Variants in ZHX3 observed in about 807,000 individuals in gnomAD.
The protein encoded by ZHX3 is zinc fingers and homeoboxes protein 3.
ZHX3 carries 20 observed loss-of-function variants against 64.5 expected under a neutral mutation model. The observed-to-expected ratio is 0.31, with a 90% CI of 0.22 to 0.45. The LOEUF is 0.45. ZHX3 is among the 20% of genes least tolerant of loss of function. The probability of loss-of-function intolerance (pLI) is 1.00; values close to 1 mark genes in which losing one functional copy is unlikely to be tolerated. For missense variants in ZHX3, 1,041 were observed against 1,195.8 expected (o/e 0.87, Z 1.91); for synonymous variants, 423 against 461.6 (o/e 0.92, Z 1.07).
At chr20:41,196,491 T>A (rs1339625624) in intron 3 of ZHX3, among the ~76,000 whole-genome samples, 1 of 78,254 alleles carries the variant, frequency 1.3e-5, no homozygotes, top group Admixed American at 2.4e-4. Context: ...ATTATAAATA[T>A]ATATTATATA....
chr20:41,207,211 A>C (rs1395785192), intron 2 of ZHX3, among the ~76,000 whole-genome samples: 2 of 152,230 alleles, frequency 1.3e-5, no homozygotes, highest in Non-Finnish European at 2.9e-5. Context: ...CAAATTGTAA[A>C]GACCATCAAT....
In ZHX3 at chr20:41,202,378, G is replaced by A. The variant is rs374874626; in HGVS notation, c.2539C>T (p.Arg847Trp). ...ATGTAATAGTCCTGCAGGAGCTCCC[G>A]GTTGCCAGGGGCAATGACCAGTAGC... is the stretch of plus-strand genomic sequence containing the variant. ...PGLLVIAPGN[R>W]ELLQDYYMTH... is the part of the protein sequence containing the mutation. Residue 847 changes from arginine (R) to tryptophan (W), a missense_variant, in exon 3 of 4, where the codon CGG becomes TGG. Transcript: ENST00000683867. This position sits in a 1 kb window ranked among gnomAD's most constrained non-coding sequence, Gnocchi z 7.0. 41 of 1,614,162 alleles carry A rather than the reference G, an allele frequency of 2.5e-5. No homozygotes were observed. Among genetic ancestry groups the A allele is most frequent in the African/African-American group, 1.3e-4 (10 of 75,046 alleles).
chr20:41,302,198 T>C (rs568952754), intron 1 of ZHX3, among the ~76,000 whole-genome samples: 4 of 151,864 alleles, frequency 2.6e-5, no homozygotes, highest in African/African-American at 9.6e-5. Context: ...TGGGTCTCAC[T>C]AGTAGGGGCT....
chr20:41,244,247 T>C (rs2041557851), intron 2 of ZHX3, among the ~76,000 whole-genome samples: 1 of 152,052 alleles, frequency 6.6e-6, no homozygotes. Context: ...AAACTGGGGA[T>C]TGGCTAAATG....
intron 3 of ZHX3, among the ~76,000 whole-genome samples, chr20:41,192,645 T>A (rs1263439735): frequency 1.3e-5 from 2 of 152,252 alleles, no homozygotes; most frequent in African/African-American, 4.8e-5. Flanking sequence ...CAGTCACTTA[T>A]GCCTCAGCTC....
intron 1 of ZHX3, among the ~76,000 whole-genome samples, chr20:41,311,152 A>G (rs2045123500): frequency 6.6e-6 from 1 of 152,198 alleles, no homozygotes; most frequent in Admixed American, 6.5e-5. Context: ...GGTCAGTGAA[A>G]GAACACTAAG....
chr20:41,213,521 G>A (rs2146294226), intron 2 of ZHX3, among the ~76,000 whole-genome samples: 1 of 152,290 alleles, frequency 6.6e-6, no homozygotes, highest in East Asian at 1.9e-4. Flanking sequence ...AGGGAAGAGA[G>A]ATGCAGACCT....
At chr20:41,279,701 C>A (rs754606497) in intron 1 of ZHX3, among the ~76,000 whole-genome samples, 6 of 152,010 alleles carry the variant, frequency 3.9e-5, no homozygotes, top group Non-Finnish European at 7.4e-5. Context: ...AGGAAAGACA[C>A]CATCAGAATA....
intron 1 of ZHX3, chr20:41,299,856 A>G (rs955746356): frequency 1.4e-5 from 2 of 144,424 alleles, no homozygotes; most frequent in South Asian, 2.2e-4. Context: ...GAAGGAGAAG[A>G]AGGAGACTCG....
chr20:41,292,393 T>C (rs928893059), intron 1 of ZHX3, among the ~76,000 whole-genome samples: 1 of 152,234 alleles, frequency 6.6e-6, no homozygotes, highest in African/African-American at 2.4e-5. Context: ...CTAAACTTCT[T>C]TACTTTCTAA....
Position 41,195,420 on chromosome 20 carries a change from T to C in ZHX3, c.2860+6637A>G, listed in dbSNP as rs886477689. 2.6e-5 allele frequency among the ~76,000 whole-genome samples: 4 copies of C among 152,030 alleles called. No homozygotes were observed. Among genetic ancestry groups the C allele is most frequent in the Admixed American group, 6.6e-5 (1 of 15,264 alleles). ...TGCAAGCCACCATGCTCGACTGAGA[T>C]TTTTTATTTTTTGAGAAGGAGTTTC... On this transcript the variant is annotated intron_variant, in intron 3 of 3. Transcript: ENST00000683867. This position sits in a 1 kb window ranked among gnomAD's most constrained non-coding sequence, Gnocchi z 4.2.
intron 2 of ZHX3, among the ~76,000 whole-genome samples, chr20:41,220,689 T>G (rs1374296370): frequency 1.3e-5 from 2 of 151,982 alleles, no homozygotes; most frequent in Non-Finnish European, 2.9e-5. Context: ...TTGTTTTGTT[T>G]TGTTTTTGTT....
chr20:41,226,292 G>A lies in ZHX3; in HGVS notation c.-150-21226C>T, dbSNP rs953317426. 6.6e-6 allele frequency among the ~76,000 whole-genome samples: 1 copy of A among 152,062 alleles called. No individual in the cohort carries two copies. The highest frequency in any genetic ancestry group is 1.5e-5 in the Non-Finnish European group (1 of 68,024). On this transcript the variant is annotated intron_variant, in intron 2 of 3. Coordinates refer to ENST00000683867, the MANE Select transcript of ZHX3 (RefSeq NM_001384317.1). The surrounding 1 kb of genome is among the most constrained non-coding windows in gnomAD (Gnocchi z 4.4). ...AATGGCATGAACGCGGGAGGTGGAG[G>A]TTGCAGTAAACTGAGATCGCGCCAC...
intron 2 of ZHX3, among the ~76,000 whole-genome samples, chr20:41,247,884 C>G (rs2041789631): frequency 6.6e-6 from 1 of 152,200 alleles, no homozygotes; most frequent in Non-Finnish European, 1.5e-5. Context: ...CTGAACAGTT[C>G]CTTACAAACC....
At position 41,226,676 on chromosome 20, in the gene ZHX3, A is replaced by T. The variant is rs1461450864; in HGVS notation, c.-150-21610T>A. ...ATCAAATTATCTTCCTCTCAAGCTCACTCCCTAGTCCTTTCTGATAACCTC... is the reference window on the plus strand; with the variant it reads ...ATCAAATTATCTTCCTCTCAAGCTCTCTCCCTAGTCCTTTCTGATAACCTC... On this transcript the variant is annotated intron_variant, in intron 2 of 3. Coordinates refer to ENST00000683867, the MANE Select transcript of ZHX3 (RefSeq NM_001384317.1). The surrounding 1 kb of genome is among the most constrained non-coding windows in gnomAD (Gnocchi z 4.4). 6.6e-6 allele frequency among the ~76,000 whole-genome samples: 1 copy of T among 151,698 alleles called. No individual in the cohort carries two copies. The highest frequency in any genetic ancestry group is 1.5e-5 in the Non-Finnish European group (1 of 67,910).
In ZHX3 at chr20:41,183,307, A is replaced by C. The variant is rs565612435; in HGVS notation, c.*1884T>G. The C allele has an allele frequency of 6.6e-6, 1 of 152,250 alleles. No individual in the cohort carries two copies. Among genetic ancestry groups the C allele is most frequent in the Non-Finnish European group, 1.5e-5 (1 of 68,046 alleles). 9.4% of individuals were successfully genotyped at this position (152,250 alleles called of 1,614,324 possible). ...TGGCAATTCCTCAAAGGTTTTTGAG[A>C]CCAAACATCTTTACTCCCCAAATTA... is the stretch of plus-strand genomic sequence containing the variant. On this transcript the variant is annotated 3_prime_UTR_variant, in exon 4 of 4. Coordinates refer to ENST00000683867, the MANE Select transcript of ZHX3 (RefSeq NM_001384317.1). This position sits in a 1 kb window ranked among gnomAD's most constrained non-coding sequence, Gnocchi z 5.3.
rs2036185279 is a variant in ZHX3, at chr20:41,179,912, G to A, written c.*5279C>T. ...CCCAAAGTGCTGGGATTACAGGTGT[G>A]AGCCACTGCGCCCAGCCAAGTCACG... On this transcript the variant is annotated 3_prime_UTR_variant, in exon 4 of 4. Transcript: ENST00000683867. This position sits in a 1 kb window ranked among gnomAD's most constrained non-coding sequence, Gnocchi z 4.3. 1 of 152,424 alleles carries A rather than the reference G, an allele frequency of 6.6e-6. No homozygotes were observed. The highest frequency in any genetic ancestry group is 2.1e-4 in the South Asian group (1 of 4,838). 9.4% of individuals were successfully genotyped at this position (152,424 alleles called of 1,614,324 possible). A position where few individuals can be genotyped will look rare whatever the true frequency, so the allele number is the denominator to read the frequency against.
chr20:41,224,338 T>C lies in ZHX3; in HGVS notation c.-150-19272A>G, dbSNP rs1037252206. Among the ~76,000 whole-genome samples, 1 of 152,238 alleles carries C rather than the reference T, an allele frequency of 6.6e-6. No individual in the cohort carries two copies. The highest frequency in any genetic ancestry group is 2.4e-5 in the African/African-American group (1 of 41,464). ...CATGACGCATCAACTCTCTTTTCTA[T>C]ATATCAGCTTTTCACACAGTTGAAG... On this transcript the variant is annotated intron_variant, in intron 2 of 3. Coordinates refer to ENST00000683867, the MANE Select transcript of ZHX3 (RefSeq NM_001384317.1). The surrounding 1 kb of genome is among the most constrained non-coding windows in gnomAD (Gnocchi z 5.2).
rs930788825 is a variant in ZHX3, at chr20:41,205,076, G to C, written c.-150-10C>G. 7.2e-6 allele frequency: 9 copies of C among 1,245,506 alleles called. No homozygotes were observed. In the Admixed American group the frequency reaches 3.3e-4, roughly 45 times the overall value. 77.2% of individuals were successfully genotyped at this position (1,245,506 alleles called of 1,614,324 possible). A position where few individuals can be genotyped will look rare whatever the true frequency, so the allele number is the denominator to read the frequency against. ...GTTTTCCCTATTCAATCTAAGGAAA[G>C]GGAGAAAAAAATGATTAAGTTCTCT... On this transcript the variant is annotated splice_polypyrimidine_tract_variant and intron_variant, in intron 2 of 3. Coordinates refer to ENST00000683867, the MANE Select transcript of ZHX3 (RefSeq NM_001384317.1).
Sources: gnomAD v4.1 joint callset for allele counts (sites outside exome capture counted in the v4.1 genomes callset) on GRCh38, gnomAD v4.1.1 for gene constraint, Gnocchi (gnomAD v3.1) non-coding constraint, MANE v1.5 for transcripts, NCBI Gene and HGNC (gene_info 2026-07-23, HGNC 2026-07-21) for gene names.